The following ZFP90 variants were observed in gnomAD, a reference collection of about 807,000 sequenced individuals.
The protein encoded by ZFP90 is ZFP90 zinc finger protein, also known as zinc finger protein 90 homolog.
In ZFP90, 38 loss-of-function variants were observed where a neutral mutation model predicts 60.8. That is an observed-to-expected ratio of 0.62 (90% confidence interval 0.48 to 0.82). The LOEUF is 0.82. ZFP90 is among the 40% of genes least tolerant of loss of function. The pLI is 0.00. For synonymous variants in ZFP90, 287 were observed against 264.8 expected, an observed-to-expected ratio of 1.08 and a Z score of -0.82; for missense variants, 711 against 759.1, an observed-to-expected ratio of 0.94 and a Z score of 0.74.
chr16:68,547,705 A>T (rs1194781012), intron 2 of ZFP90, among the ~76,000 whole-genome samples: 1 of 152,208 alleles, frequency 6.6e-6, no homozygotes, highest in African/African-American at 2.4e-5. Context: ...GTATGAATGT[A>T]CCAAAATTTA....
In ZFP90 at chr16:68,560,409, A is replaced by G. The variant is rs557315152; in HGVS notation, c.256+1841A>G. On this transcript the variant is annotated intron_variant, in intron 4 of 4. Transcript: ENST00000563169. ...ATGGCACTGGCTTCTTTCACTTAGC[A>G]TGATGTTTTCAAGGTTCAATCATGT... Among the ~76,000 whole-genome samples, 49 of 152,310 alleles carry G rather than the reference A, an allele frequency of 3.2e-4. No homozygotes were observed. The South Asian group carries it at 9.7e-3, about 30-fold the overall frequency.
In ZFP90 at chr16:68,562,775, C is replaced by G. The variant is rs1425659047; in HGVS notation, c.257-269C>G. On this transcript the variant is annotated intron_variant, in intron 4 of 4. Transcript: ENST00000563169. ...GTTCCATTTGTATCTGTGCCTAACA[C>G]AGTCCTGCTCACTTATTTCCTTATT... is the stretch of plus-strand genomic sequence containing the variant. 5 of 642,926 alleles carry G rather than the reference C, an allele frequency of 7.8e-6. No homozygotes were observed. The Middle Eastern group carries it at 1.3e-3, about 167-fold the overall frequency. 39.8% of individuals were successfully genotyped at this position (642,926 alleles called of 1,614,324 possible).
intron 2 of ZFP90, chr16:68,557,141 C>A (rs1413785644): frequency 4.4e-6 from 2 of 452,882 alleles, no homozygotes; most frequent in Non-Finnish European, 8.8e-6. Context: ...GCACACACCA[C>A]CATGCCAGGC....
At chr16:68,539,656 A>G (rs1302311720) in intron 1 of ZFP90, 102 bp from the exon 2 acceptor site, 18 of 906,616 alleles carry the variant, frequency 2.0e-5, no homozygotes, top group African/African-American at 6.1e-5. Flanking sequence ...CCTCGCCACC[A>G]TCTCCCCTGG....
At chr16:68,571,052 G>A (rs190719199), downstream of ZFP90, among the ~76,000 whole-genome samples, 4 of 152,240 alleles carry the variant, frequency 2.6e-5, no homozygotes, top group East Asian at 1.9e-4. Flanking sequence ...TTGGGTGGCT[G>A]GAAGGTAGAT....
intron 2 of ZFP90, among the ~76,000 whole-genome samples, chr16:68,544,730 C>G (rs2091113991): frequency 6.6e-6 from 1 of 152,134 alleles, no homozygotes; most frequent in African/African-American, 2.4e-5. Flanking sequence ...TCCGAGCTCC[C>G]TCTGTCCAGA....
Position 68,564,207 on chromosome 16 carries a change from G to GATGGT in ZFP90, c.1420_1421insATGGT (p.Ala474AspfsTer42), listed in dbSNP as rs1567411732. On this transcript the variant is annotated frameshift_variant, in exon 5 of 5. Transcript: ENST00000563169. LOFTEE classifies it high-confidence loss of function. ...TACTGACCATCAGAGGATCCATACT[G>GATGGT]CAGAGAACCCCTATGATTGTGAGCA... 1 of 1,613,990 alleles carries GATGGT rather than the reference G, an allele frequency of 6.2e-7. No individual in the cohort carries two copies. The highest frequency in any genetic ancestry group is 8.5e-7 in the Non-Finnish European group (1 of 1,179,970).
At chr16:68,552,924 C>CA (rs2091284767) in intron 2 of ZFP90, among the ~76,000 whole-genome samples, 2 of 152,214 alleles carry the variant, frequency 1.3e-5, no homozygotes, top group East Asian at 1.9e-4. Context: ...TGGTGGCACA[C>CA]ACCTGTGGTC....
rs752219804 is a variant in ZFP90, at chr16:68,564,275, C to T, written c.1488C>T (p.Pro496=). The T allele has an allele frequency of 7.0e-5, 113 of 1,613,954 alleles. No homozygotes were observed. Among genetic ancestry groups the T allele is most frequent in the Non-Finnish European group, 9.0e-5 (106 of 1,180,008 alleles). ...CTATTTCTCATCCTGGAGAGAAACC[C>T]TATCAATGTAATGTATGTGGGAAAG... ...QQAISHPGEK[P]YQCNVCGKAF... is the part of the protein sequence containing the mutation. The change falls in exon 5 of 5, where the codon CCC becomes CCT. Residue 496 remains proline, a synonymous_variant. Coordinates refer to ENST00000563169, the MANE Select transcript of ZFP90 (RefSeq NM_001305203.2).
At chr16:68,552,432 G>A (rs1020462528) in intron 2 of ZFP90, among the ~76,000 whole-genome samples, 2 of 152,168 alleles carry the variant, frequency 1.3e-5, no homozygotes, top group African/African-American at 4.8e-5. Flanking sequence ...CCAGGGAGGA[G>A]AGCTGCTGGG....
rs545951137 is a variant in ZFP90 at position 68,557,719 on chromosome 16, G to A, written c.34-279G>A. ...GAAAGTGAATAGGCAGCAATGACTTGGTGATTGTATAAAAAGGCTTGGCTT... is the reference window on the plus strand; with the variant it reads ...GAAAGTGAATAGGCAGCAATGACTTAGTGATTGTATAAAAAGGCTTGGCTT... On this transcript the variant is annotated intron_variant, in intron 2 of 4. Coordinates refer to ENST00000563169, the MANE Select transcript of ZFP90 (RefSeq NM_001305203.2). Among the ~76,000 whole-genome samples, 11 of 151,136 alleles carry A rather than the reference G, an allele frequency of 7.3e-5. 1 individual carries two copies. Among genetic ancestry groups the A allele is most frequent in the Admixed American group, 6.6e-4 (10 of 15,106 alleles).
At chr16:68,547,503 GA>G (rs2091171700) in intron 2 of ZFP90, among the ~76,000 whole-genome samples, 1 of 151,998 alleles carries the variant, frequency 6.6e-6, no homozygotes, top group Non-Finnish European at 1.5e-5. Context: ...CTTTTTAATA[GA>G]AAAAAGTCAT....
downstream of ZFP90, among the ~76,000 whole-genome samples, chr16:68,569,200 G>T (rs2091554506): frequency 1.4e-5 from 2 of 147,082 alleles, no homozygotes; most frequent in South Asian, 4.3e-4. Context: ...GCAGTGGCAT[G>T]ATCTCAACTC....
At chr16:68,545,730 G>A (rs1032642807) in intron 2 of ZFP90, among the ~76,000 whole-genome samples, 2 of 152,188 alleles carry the variant, frequency 1.3e-5, no homozygotes, top group African/African-American at 4.8e-5. Context: ...CAGAAGAATG[G>A]CATGAACCTG....
chr16:68,566,468 G>A lies in ZFP90; in HGVS notation c.*1770G>A. 2.4e-5 allele frequency: 24 copies of A among 985,514 alleles called. No individual in the cohort carries two copies. Among genetic ancestry groups the A allele is most frequent in the Non-Finnish European group, 2.9e-5 (24 of 829,924 alleles). The allele number at this position is 985,514 out of a possible 1,614,324, so 61.0% of individuals were successfully genotyped here. On this transcript the variant is annotated 3_prime_UTR_variant, in exon 5 of 5. Coordinates refer to ENST00000563169, the MANE Select transcript of ZFP90 (RefSeq NM_001305203.2). ...CATTGCCTTTCTCTCATCATGGATG[G>A]CATGCAGCAGCACCCAAGTATTCTT...
At position 68,565,835 on chromosome 16, in the gene ZFP90, ATTAAC is replaced by A. The variant is rs1597755328; in HGVS notation, c.*1140_*1144del. On this transcript the variant is annotated 3_prime_UTR_variant, in exon 5 of 5. Coordinates refer to ENST00000563169, the MANE Select transcript of ZFP90 (RefSeq NM_001305203.2). ...AAGAAAAGATTTCACCATTAAAAAAATTAACTTGGCTAGGTATGGTGTCTCACACC... is the reference window on the plus strand; with the variant it reads ...AAGAAAAGATTTCACCATTAAAAAAATTGGCTAGGTATGGTGTCTCACACC... The A allele has an allele frequency of 1.0e-6, 1 of 985,306 alleles. No homozygotes were observed. Among genetic ancestry groups the A allele is most frequent in the South Asian group, 4.7e-5 (1 of 21,284 alleles). The allele number at this position is 985,306 out of a possible 1,614,324, so 61.0% of individuals were successfully genotyped here. A position where few individuals can be genotyped will look rare whatever the true frequency, so the allele number is the denominator to read the frequency against.
intron 4 of ZFP90, among the ~76,000 whole-genome samples, chr16:68,559,316 T>G (rs947167046): frequency 3.9e-5 from 6 of 152,182 alleles, no homozygotes; most frequent in African/African-American, 1.4e-4. Flanking sequence ...TAGTTCATAT[T>G]AAATACATAA....
Position 68,563,437 on chromosome 16 carries a change from G to A in ZFP90, c.650G>A (p.Arg217Lys), listed in dbSNP as rs1483476041. The A allele has an allele frequency of 6.2e-7, 1 of 1,613,426 alleles. No homozygotes were observed. Among genetic ancestry groups the A allele is most frequent in the East Asian group, 2.2e-5 (1 of 44,888 alleles). Reference protein sequence around the residue: ...KKKPYKCDKCRKAFIHRSSLT... With the variant: ...KKKPYKCDKCKKAFIHRSSLT... ...AAACCCTATAAGTGTGATAAATGTA[G>A]AAAAGCCTTTATTCATAGATCATCG... Residue 217 changes from arginine to lysine, a missense_variant, in exon 5 of 5, where the codon AGA (arginine) becomes AAA (lysine). Around this residue, in one of 5 missense-constraint regions of ZFP90, gnomAD observed 241 missense variants for 247.6 expected, o/e 0.97. Coordinates refer to ENST00000563169, the MANE Select transcript of ZFP90 (RefSeq NM_001305203.2).
At chr16:68,558,230 G>A (rs2091378521) in intron 3 of ZFP90, 106 bp downstream of exon 3, 2 of 1,517,534 alleles carry the variant, frequency 1.3e-6, no homozygotes, top group African/African-American at 1.4e-5. Flanking sequence ...AGGGTGCTCA[G>A]GGGTCAGAGC....
Sources: gnomAD v4.1 joint callset for allele counts (sites outside exome capture counted in the v4.1 genomes callset) on GRCh38, gnomAD v4.1.1 for gene constraint, gnomAD v4.1.1 regional missense constraint, MANE v1.5 for transcripts, NCBI Gene and HGNC (gene_info 2026-07-23, HGNC 2026-07-21) for gene names.